Variants in JPH2 observed in about 807,000 individuals in gnomAD.
The protein encoded by JPH2 is junctophilin-2.
In JPH2, 38 loss-of-function variants were observed where a neutral mutation model predicts 55.9. That is an observed-to-expected ratio of 0.68 (90% CI 0.52 to 0.89). JPH2 has a LOEUF of 0.89. Among genes scored for constraint, JPH2 ranks in the 40% least tolerant of loss-of-function variants. The probability of loss-of-function intolerance (pLI) is 0.00; values close to 1 mark genes in which losing one functional copy is unlikely to be tolerated. For synonymous variants in JPH2, 480 were observed against 472.4 expected (o/e 1.02, Z -0.21); for missense variants, 964 against 1,037.6 (o/e 0.93, Z 0.97).
chr20:44,154,076 G>A (rs955532068), intron 2 of JPH2, among the ~76,000 whole-genome samples: 6 of 152,126 alleles, frequency 3.9e-5, no homozygotes, highest in Admixed American at 1.3e-4. Context: ...CCTCTCGATC[G>A]CTTTGTGGCT....
chr20:44,169,836 G>C (rs1439223875), intron 1 of JPH2, among the ~76,000 whole-genome samples: 1 of 152,062 alleles, frequency 6.6e-6, no homozygotes, highest in Non-Finnish European at 1.5e-5. Context: ...GAGTGGGGCT[G>C]GTGGCTTTAT....
At chr20:44,131,157 G>A (rs946836233) in intron 2 of JPH2, among the ~76,000 whole-genome samples, 2 of 152,178 alleles carry the variant, frequency 1.3e-5, no homozygotes, top group Admixed American at 6.5e-5. Context: ...CAAAAGTCAT[G>A]GGATGTCACT....
rs1464777964 is a variant in JPH2 at position 44,134,759 on chromosome 20, AATAT to A, written c.1170-16140_1170-16137del. Among the ~76,000 whole-genome samples the A allele has an allele frequency of 1.2e-3, 129 of 108,650 alleles. 10 individuals carry two copies. Among genetic ancestry groups the A allele is most frequent in the Non-Finnish European group, 1.9e-3 (111 of 58,448 alleles). The allele number at this position is 108,650 out of a possible 152,430, so 71.3% of individuals were successfully genotyped here. A position where few individuals can be genotyped will look rare whatever the true frequency, so the allele number is the denominator to read the frequency against. ...AATATATAAAGATATATTTATTATA[AATAT>A]ATAAAAATATTTATAAATATACATA... On this transcript the variant is annotated intron_variant, in intron 2 of 5. Coordinates refer to ENST00000372980, the MANE Select transcript of JPH2 (RefSeq NM_020433.5).
chr20:44,174,978 C>G (rs898928121), intron 1 of JPH2, among the ~76,000 whole-genome samples: 3 of 151,626 alleles, frequency 2.0e-5, no homozygotes, highest in Admixed American at 2.0e-4. Context: ...GTCTGGGTAA[C>G]AGAGTGAGAC....
rs535274711 is a variant in JPH2 at position 44,150,333 on chromosome 20, A to G, written c.1169+9285T>C. On this transcript the variant is annotated intron_variant, in intron 2 of 5. Coordinates refer to ENST00000372980, the MANE Select transcript of JPH2 (RefSeq NM_020433.5). The stretch of plus-strand genomic sequence containing the variant: ...AACATTTAGAAATAAATTTGGCAAA[A>G]TAAGTATAAAATTGTACACTGAAAG... Among the ~76,000 whole-genome samples the G allele has an allele frequency of 3.3e-5, 5 of 152,362 alleles. No homozygotes were observed. The South Asian group carries it at 1.0e-3, about 32-fold the overall frequency.
intron 2 of JPH2, among the ~76,000 whole-genome samples, chr20:44,134,041 TA>T (rs1412971083): frequency 0.19 from 2,285 of 11,778 alleles, 898 homozygotes; most frequent in Non-Finnish European, 0.27. Context: ...TATATATTTA[TA>T]TATAAATATA....
Position 44,186,641 on chromosome 20 carries a change from T to C in JPH2, c.65A>G (p.Lys22Arg), listed in dbSNP as rs1228789802. The C allele has an allele frequency of 1.2e-6, 2 of 1,610,002 alleles. No homozygotes were observed. Among genetic ancestry groups the C allele is most frequent in the Non-Finnish European group, 8.5e-7 (1 of 1,179,708 alleles). Reference protein sequence around the residue: ...GAYCGGWEGGKAHGHGLCTGP... With the variant: ...GAYCGGWEGGRAHGHGLCTGP... The stretch of plus-strand genomic sequence containing the variant: ...TGTGCACAGTCCATGCCCATGGGCC[T>C]TTCCCCCCTCCCAGCCCCCGCAGTA... Residue 22 changes from lysine to arginine, a missense_variant, in exon 1 of 6, where the codon AAG becomes AGG. By Grantham distance (26) the Lys-to-Arg change is conservative. Transcript: ENST00000372980.
intron 2 of JPH2, among the ~76,000 whole-genome samples, chr20:44,137,115 AT>A (rs2072418346): frequency 6.6e-6 from 1 of 152,202 alleles, no homozygotes; most frequent in African/African-American, 2.4e-5. Context: ...TAGGTACCCC[AT>A]GAATGTTAGC....
chr20:44,135,562 CTT>C (rs2072406018), intron 2 of JPH2, among the ~76,000 whole-genome samples: 2 of 152,216 alleles, frequency 1.3e-5, no homozygotes, highest in African/African-American at 4.8e-5. Flanking sequence ...TCCAAGGTCA[CTT>C]TGTCTTCCTC....
intron 2 of JPH2, among the ~76,000 whole-genome samples, chr20:44,130,411 C>G (rs2072309378): frequency 6.6e-6 from 1 of 152,264 alleles, no homozygotes; most frequent in Non-Finnish European, 1.5e-5. Context: ...GGGTTACCAG[C>G]ATGTTCCCCA....
chr20:44,158,569 T>C (rs2072581413), intron 2 of JPH2, among the ~76,000 whole-genome samples: 1 of 152,206 alleles, frequency 6.6e-6, no homozygotes, highest in African/African-American at 2.4e-5. Flanking sequence ...TTGTACCTAG[T>C]AGGTGCCATA....
intron 2 of JPH2, among the ~76,000 whole-genome samples, chr20:44,154,460 C>T (rs2072551391): frequency 6.6e-6 from 1 of 152,200 alleles, no homozygotes; most frequent in East Asian, 1.9e-4. Flanking sequence ...TGCCCAGTAG[C>T]CATGTATGGC....
At chr20:44,134,813 A>G in intron 2 of JPH2, among the ~76,000 whole-genome samples, 2 of 116,384 alleles carry the variant, frequency 1.7e-5, no homozygotes, top group South Asian at 4.8e-4. Context: ...ATAAATATAT[A>G]TAAATATTTA....
intron 2 of JPH2, among the ~76,000 whole-genome samples, chr20:44,147,021 G>A (rs1339238940): frequency 1.3e-5 from 2 of 152,028 alleles, no homozygotes; most frequent in Non-Finnish European, 2.9e-5. Flanking sequence ...AATATTTGTT[G>A]AACATATACT....
intron 1 of JPH2, among the ~76,000 whole-genome samples, chr20:44,185,051 C>T (rs1011836838): frequency 1.3e-5 from 2 of 152,198 alleles, no homozygotes; most frequent in Non-Finnish European, 2.9e-5. Context: ...GCTGAGATTA[C>T]AGGCGTGAGC....
Position 44,159,918 on chromosome 20 carries a change from G to C in JPH2, c.869C>G (p.Thr290Ser), listed in dbSNP as rs757257639. 1 of 1,590,104 alleles carries C rather than the reference G, an allele frequency of 6.3e-7. No homozygotes were observed. Among genetic ancestry groups the C allele is most frequent in the Non-Finnish European group, 8.5e-7 (1 of 1,170,034 alleles). Residue 290 changes from threonine (T) to serine (S), a missense_variant, in exon 2 of 6, where the codon ACC becomes AGC. Thr to Ser is a moderately conservative substitution (Grantham distance 58). Transcript: ENST00000372980. This position sits in a 1 kb window ranked among gnomAD's most constrained non-coding sequence, Gnocchi z 5.7. The stretch of plus-strand genomic sequence containing the variant: ...GTCGTTCTTCCACTCGCCCATGTAG[G>C]TCTCGGTGGTGGTGGCGTCGATATC... ...EADIDATTTE[T>S]YMGEWKNDKR...
chr20:44,148,694 C>T (rs1405208306), intron 2 of JPH2, among the ~76,000 whole-genome samples: 1 of 152,046 alleles, frequency 6.6e-6, no homozygotes, highest in East Asian at 1.9e-4. Flanking sequence ...AGGTGGGCAT[C>T]TCTGAACACC....
chr20:44,130,167 C>T (rs1338290935), intron 2 of JPH2, among the ~76,000 whole-genome samples: 1 of 152,170 alleles, frequency 6.6e-6, no homozygotes, highest in East Asian at 1.9e-4. Context: ...ATCATTTGCC[C>T]ATGGCTCATA....
rs371519050 is a variant in JPH2, at chr20:44,159,788, G to A, written c.999C>T (p.Asp333=). ...RHGYGCTTLP[D]GHREEGKYRH... is the part of the protein sequence containing the mutation. ...GGTACTTGCCCTCCTCGCGGTGGCC[G>A]TCGGGCAGCGTGGTGCAGCCATAGC... is the stretch of plus-strand genomic sequence containing the variant. The change falls in exon 2 of 6, where the codon GAC becomes GAT. Residue 333 remains aspartate, a synonymous_variant. Transcript: ENST00000372980. The surrounding 1 kb of genome is among the most constrained non-coding windows in gnomAD (Gnocchi z 5.7). 1.8e-5 allele frequency: 29 copies of A among 1,612,882 alleles called. No individual in the cohort carries two copies. Among genetic ancestry groups the A allele is most frequent in the Non-Finnish European group, 2.4e-5 (28 of 1,179,888 alleles).
Sources: allele counts gnomAD v4.1 joint callset (sites outside exome capture counted in the v4.1 genomes callset), GRCh38; gene constraint gnomAD v4.1.1; non-coding constraint Gnocchi (gnomAD v3.1); transcripts MANE v1.5; gene names NCBI Gene and HGNC (gene_info 2026-07-23, HGNC 2026-07-21).